The following SYNRG variants were observed in gnomAD, a reference collection of about 807,000 sequenced individuals.
SYNRG encodes the protein synergin gamma.
Under a neutral mutation model 130.9 loss-of-function variants are expected in SYNRG, and 37 were observed. The observed-to-expected ratio is 0.28, with a 90% CI of 0.22 to 0.37. The LOEUF is 0.37. Among genes scored for constraint, SYNRG ranks in the 10% least tolerant of loss-of-function variants. The pLI is 1.00. For missense variants in SYNRG, 1,338 were observed against 1,588.9 expected, an observed-to-expected ratio of 0.84 and a Z score of 2.68; for synonymous variants, 539 against 568.1, an observed-to-expected ratio of 0.95 and a Z score of 0.73.
chr17:37,560,092 G>T (rs1340135815), intron 13 of SYNRG, among the ~76,000 whole-genome samples: 1 of 151,728 alleles, frequency 6.6e-6, no homozygotes, highest in African/African-American at 2.4e-5. Flanking sequence ...TTCATTTTTT[G>T]TAGAGACAAG....
At chr17:37,549,591 C>T (rs1232098583) in intron 14 of SYNRG, among the ~76,000 whole-genome samples, 2 of 151,852 alleles carry the variant, frequency 1.3e-5, no homozygotes, top group Non-Finnish European at 2.9e-5. Context: ...GGATGGAGTA[C>T]CCAATTTTTC....
intron 4 of SYNRG, 66 bp downstream of exon 4, chr17:37,586,353 T>G: frequency 6.3e-7 from 1 of 1,592,654 alleles, no homozygotes; most frequent in Non-Finnish European, 8.6e-7. Flanking sequence ...TAGAGATCAT[T>G]AGACAATTCT....
rs576692708 is a variant in SYNRG at position 37,529,521 on chromosome 17, C to T, written c.3666+6458G>A. ...ACCAAGATTTTCGCATTTTATTGTACATGTATATATATTTTACAAAAAAAA... is the reference window on the plus strand; with the variant it reads ...ACCAAGATTTTCGCATTTTATTGTATATGTATATATATTTTACAAAAAAAA... On this transcript the variant is annotated intron_variant, in intron 19 of 21. Coordinates refer to ENST00000612223, the MANE Select transcript of SYNRG (RefSeq NM_007247.6). Among the ~76,000 whole-genome samples, 38 of 111,866 alleles carry T rather than the reference C, an allele frequency of 3.4e-4. No individual in the cohort carries two copies. The Middle Eastern group carries it at 0.034, about 99-fold the overall frequency. 73.4% of individuals were successfully genotyped at this position (111,866 alleles called of 152,430 possible). A position where few individuals can be genotyped will look rare whatever the true frequency, so the allele number is the denominator to read the frequency against.
At chr17:37,526,285 G>GC (rs1292225057) in intron 19 of SYNRG, among the ~76,000 whole-genome samples, 4 of 152,182 alleles carry the variant, frequency 2.6e-5, no homozygotes, top group Non-Finnish European at 4.4e-5. Context: ...ATGGCACAGA[G>GC]CCCCCCACCA....
intron 6 of SYNRG, among the ~76,000 whole-genome samples, chr17:37,581,069 T>C (rs1256056008): frequency 6.6e-6 from 1 of 152,110 alleles, no homozygotes; most frequent in Non-Finnish European, 1.5e-5. Flanking sequence ...CTATAGTCAA[T>C]TTAAGAAAGT....
At chr17:37,530,143 C>G (rs918423259) in intron 19 of SYNRG, among the ~76,000 whole-genome samples, 1 of 152,118 alleles carries the variant, frequency 6.6e-6, no homozygotes, top group Non-Finnish European at 1.5e-5. Context: ...AACTTTAGTA[C>G]CTGTCTGGTT....
chr17:37,546,562 C>G (rs1407223869), intron 14 of SYNRG, among the ~76,000 whole-genome samples: 1 of 152,202 alleles, frequency 6.6e-6, no homozygotes, highest in Admixed American at 6.5e-5. Flanking sequence ...TCCATAACCT[C>G]TATTCAAATC....
In SYNRG at chr17:37,577,560, GCCC is replaced by G; in HGVS notation, c.640_642del (p.Gly214del). 6.2e-7 allele frequency: 1 copy of G among 1,614,064 alleles called. No individual in the cohort carries two copies. Among genetic ancestry groups the G allele is most frequent in the South Asian group, 1.1e-5 (1 of 91,086 alleles). ...GAAGTATTTAATTTAATTTGTTCCTGCCCAGATGTACTTATATCACAAGATACT... is the reference window on the plus strand; with the variant it reads ...GAAGTATTTAATTTAATTTGTTCCTGAGATGTACTTATATCACAAGATACT... On this transcript the variant is annotated inframe_deletion, in exon 7 of 22. Transcript: ENST00000612223.
Position 37,519,090 on chromosome 17 carries a change from G to C in SYNRG, c.3814-19C>G, listed in dbSNP as rs200746860. 82 of 1,609,424 alleles carry C rather than the reference G, an allele frequency of 5.1e-5. No individual in the cohort carries two copies. Among genetic ancestry groups the C allele is most frequent in the Non-Finnish European group, 6.5e-5 (77 of 1,176,414 alleles). The stretch of plus-strand genomic sequence containing the variant: ...TGAATGCCTGCCAGAAATAAACAGA[G>C]ATGTGGGGCAAGTCAGGCTTTTTCT... On this transcript the variant is annotated intron_variant, in intron 21 of 21. Transcript: ENST00000612223.
At chr17:37,520,501 A>T in intron 20 of SYNRG, 37 bp downstream of exon 20, 1 of 1,579,650 alleles carries the variant, frequency 6.3e-7, no homozygotes. Flanking sequence ...ATGTTAGGGA[A>T]GCCCTTTGCT....
At chr17:37,604,150 G>A (rs1049404708) in intron 1 of SYNRG, among the ~76,000 whole-genome samples, 1 of 151,148 alleles carries the variant, frequency 6.6e-6, no homozygotes, top group Non-Finnish European at 1.5e-5. Flanking sequence ...TGAGGCAGAA[G>A]AACCACTTGA....
chr17:37,529,846 G>A, intron 19 of SYNRG: 3 of 1,551,496 alleles, frequency 1.9e-6, no homozygotes, highest in Non-Finnish European at 2.6e-6. Flanking sequence ...TCTTTTCCCA[G>A]CAGCACTAGG....
chr17:37,596,461 A>G (rs1044258020), intron 2 of SYNRG, 117 bp from the exon 3 acceptor site: 10 of 1,096,220 alleles, frequency 9.1e-6, no homozygotes, highest in Non-Finnish European at 1.2e-5. Context: ...GAAAAAGCAC[A>G]GGGTCCTGAG....
chr17:37,540,630 CTTTT>C (rs767724523), intron 15 of SYNRG, 87 bp from the exon 16 acceptor site: 3,403 of 689,502 alleles, frequency 4.9e-3, no homozygotes, highest in South Asian at 6.2e-3. Context: ...CAACCCTCTT[CTTTT>C]TTTTTTTTTT....
chr17:37,549,881 C>T (rs1001106509), intron 14 of SYNRG, among the ~76,000 whole-genome samples: 1 of 152,148 alleles, frequency 6.6e-6, no homozygotes, highest in Non-Finnish European at 1.5e-5. Context: ...TGTGAGCCAC[C>T]GTGCCCGGAT....
chr17:37,585,471 T>G, intron 4 of SYNRG, 41 bp from the exon 5 acceptor site: 4 of 1,322,498 alleles, frequency 3.0e-6, no homozygotes, highest in South Asian at 1.2e-5. Context: ...GCTCCCGGGA[T>G]TATACACTGT....
At chr17:37,565,124 T>A (rs2059827787) in intron 11 of SYNRG, among the ~76,000 whole-genome samples, 1 of 151,878 alleles carries the variant, frequency 6.6e-6, no homozygotes, top group Non-Finnish European at 1.5e-5. Context: ...ATTAGCTGGG[T>A]GTAGTGGCGC....
intron 2 of SYNRG, among the ~76,000 whole-genome samples, chr17:37,596,670 T>TA (rs2146905990): frequency 6.6e-6 from 1 of 152,346 alleles, no homozygotes; most frequent in African/African-American, 2.4e-5. Context: ...CTGGTATTCA[T>TA]ACCCGTGTGT....
chr17:37,584,715 T>C lies in SYNRG; in HGVS notation c.522A>G (p.Gly174=). ...SRDDALEAIK[G]NLDGFSRDAK... is the part of the protein sequence containing the mutation. The stretch of plus-strand genomic sequence containing the variant: ...CATCTCTGGAAAACCCATCTAAATT[T>C]CCTTTTATGGCTTCCAAAGCATCAT... The change falls in exon 6 of 22, where the codon GGA becomes GGG. Residue 174 remains glycine, a synonymous_variant. Coordinates refer to ENST00000612223, the MANE Select transcript of SYNRG (RefSeq NM_007247.6). 5.6e-6 allele frequency: 9 copies of C among 1,613,800 alleles called. No homozygotes were observed. The highest frequency in any genetic ancestry group is 7.6e-6 in the Non-Finnish European group (9 of 1,179,740).
Sources: gnomAD v4.1 joint callset for allele counts (sites outside exome capture counted in the v4.1 genomes callset) on GRCh38, gnomAD v4.1.1 for gene constraint, MANE v1.5 for transcripts, NCBI Gene and HGNC (gene_info 2026-07-23, HGNC 2026-07-21) for gene names.